MED14: variants seen among roughly 807,000 people sequenced by gnomAD.
The protein encoded by MED14 is mediator of RNA polymerase II transcription subunit 14.
MED14 carries 8 observed loss-of-function variants against 109.0 expected under a neutral mutation model. That is an observed-to-expected ratio of 0.07 (90% CI 0.04 to 0.13). The LOEUF (loss-of-function observed/expected upper bound fraction) is 0.13. Ranked by LOEUF, MED14 falls within the 10% of genes least tolerant of loss-of-function variation. The pLI, the probability that MED14 is intolerant of heterozygous loss-of-function variation, is 1.00. For missense variants in MED14, 711 were observed against 1,142.4 expected (o/e 0.62, Z 5.44); for synonymous variants, 399 against 408.7 (o/e 0.98, Z 0.29).
Position 40,697,007 on chromosome X carries a change from C to A in MED14, c.1650+17G>T. 1 of 1,177,011 alleles carries A rather than the reference C, an allele frequency of 8.5e-7. No individual in the cohort carries two copies. Among genetic ancestry groups the A allele is most frequent in the Non-Finnish European group, 1.2e-6 (1 of 868,445 alleles). ...TACTAAACTTGATCACTCCAAATCACTCCTTTGCATACTTACAATGTAGTA... is the reference window on the plus strand; with the variant it reads ...TACTAAACTTGATCACTCCAAATCAATCCTTTGCATACTTACAATGTAGTA... On this transcript the variant is annotated intron_variant, in intron 13 of 30. Transcript: ENST00000324817.
Position 40,713,910 on chromosome X carries a change from G to A in MED14, c.523-3C>T, listed in dbSNP as rs1415113977. 1 of 1,195,224 alleles carries A rather than the reference G, an allele frequency of 8.4e-7. No individual in the cohort carries two copies. Among genetic ancestry groups the A allele is most frequent in the Non-Finnish European group, 1.1e-6 (1 of 887,951 alleles). ...GGGTCTGGAGGAATAATTTTGTCCT[G>A]CAAAAAAATTTAAGTGATTTTTAAA... On this transcript the variant is annotated splice_polypyrimidine_tract_variant and splice_region_variant and intron_variant, in intron 4 of 30. Coordinates refer to ENST00000324817, the MANE Select transcript of MED14 (RefSeq NM_004229.4).
chrX:40,683,032 CACAG>C, intron 16 of MED14, 36 bp from the exon 17 acceptor site: 2 of 1,118,398 alleles, frequency 1.8e-6, no homozygotes, highest in Non-Finnish European at 2.4e-6. Context: ...GTATACTTTA[CACAG>C]ACAAAGCACA....
intron 22 of MED14, among the ~76,000 whole-genome samples, chrX:40,673,231 T>C (rs192232846): frequency 1.9e-4 from 21 of 112,584 alleles, no homozygotes; most frequent in African/African-American, 5.5e-4. Flanking sequence ...CATTTAACCA[T>C]GGCAGATGAA....
At chrX:40,670,007 A>T (rs1929662176) in intron 23 of MED14, among the ~76,000 whole-genome samples, 1 of 112,251 alleles carries the variant, frequency 8.9e-6, no homozygotes, top group South Asian at 3.7e-4. Flanking sequence ...GAATCTAAGC[A>T]GAGGAAGCAC....
chrX:40,712,310 AAAAG>A lies in MED14; in HGVS notation c.782-21_782-18del. 1.8e-6 allele frequency: 2 copies of A among 1,134,058 alleles called. No homozygotes were observed. The highest frequency in any genetic ancestry group is 4.9e-4 in the Middle Eastern group (2 of 4,121). The allele number at this position is 1,134,058 out of a possible 1,213,427, so 93.5% of individuals were successfully genotyped here. ...CTCGCCCATCTTCCGTTGGCAGAAGAAAAGAAAGCAGTTAATTAAATAGGTGTAC... is the reference window on the plus strand; with the variant it reads ...CTCGCCCATCTTCCGTTGGCAGAAGAAAAGCAGTTAATTAAATAGGTGTAC... On this transcript the variant is annotated intron_variant, in intron 6 of 30. Coordinates refer to ENST00000324817, the MANE Select transcript of MED14 (RefSeq NM_004229.4).
intron 3 of MED14, among the ~76,000 whole-genome samples, chrX:40,720,399 T>A (rs1237824730): frequency 2.7e-5 from 3 of 112,245 alleles, no homozygotes; most frequent in African/African-American, 9.7e-5. Context: ...AACTCAGTAC[T>A]GCCCTGTCAT....
Position 40,651,184 on chromosome X carries a change from A to G in MED14, c.*622T>C, listed in dbSNP as rs1434325292. 4.0e-6 allele frequency: 3 copies of G among 750,366 alleles called. No homozygotes were observed. The highest frequency in any genetic ancestry group is 4.7e-6 in the Non-Finnish European group (3 of 636,573). The allele number at this position is 750,366 out of a possible 1,213,427, so 61.8% of individuals were successfully genotyped here. On this transcript the variant is annotated 3_prime_UTR_variant, in exon 31 of 31. Coordinates refer to ENST00000324817, the MANE Select transcript of MED14 (RefSeq NM_004229.4). ...TTCAGACATGTATTATTATAAATTAATAACTGGCTCCATCCACCAGGTTAA... is the reference window on the plus strand; with the variant it reads ...TTCAGACATGTATTATTATAAATTAGTAACTGGCTCCATCCACCAGGTTAA...
chrX:40,733,072 T>C (rs1932134239), intron 1 of MED14, among the ~76,000 whole-genome samples: 1 of 110,797 alleles, frequency 9.0e-6, no homozygotes, highest in South Asian at 3.9e-4. Flanking sequence ...GTTTGGACTA[T>C]AAATTTTATG....
intron 28 of MED14, 116 bp from the exon 29 acceptor site, chrX:40,655,176 A>G: frequency 1.4e-6 from 1 of 728,710 alleles, no homozygotes; most frequent in Admixed American, 3.3e-5. Context: ...AACAGAACAT[A>G]AAGTTAATAA....
intron 23 of MED14, among the ~76,000 whole-genome samples, chrX:40,667,159 G>GC (rs1382442348): frequency 9.8e-5 from 11 of 111,827 alleles, no homozygotes; most frequent in African/African-American, 3.3e-4. Flanking sequence ...CAGGCATTGG[G>GC]GATGCAGCAG....
Position 40,713,907 on chromosome X carries a change from C to A in MED14, c.523G>T (p.Asp175Tyr). The A allele has an allele frequency of 8.4e-7, 1 of 1,195,786 alleles. No individual in the cohort carries two copies. The highest frequency in any genetic ancestry group is 1.8e-5 in the African/African-American group (1 of 56,461). The change falls in exon 5 of 31, where the codon GAC becomes TAC. Residue 175 changes from aspartate (D) to tyrosine (Y), a missense_variant and splice_region_variant. Asp to Tyr is a radical substitution (Grantham distance 160). This residue lies in a region of MED14 where 388 missense variants were observed against 517.3 expected (regional missense o/e 0.75). Coordinates refer to ENST00000324817, the MANE Select transcript of MED14 (RefSeq NM_004229.4). ...ATTGGGTCTGGAGGAATAATTTTGT[C>A]CTGCAAAAAAATTTAAGTGATTTTT... is the stretch of plus-strand genomic sequence containing the variant. Reference protein sequence around the residue: ...SYPRLPTCIRDKIIPPDPITK... With the variant: ...SYPRLPTCIRYKIIPPDPITK...
At position 40,682,587 on chromosome X, in the gene MED14, T is replaced by C; in HGVS notation, c.2365+16A>G. 1.8e-6 allele frequency: 2 copies of C among 1,108,061 alleles called. No individual in the cohort carries two copies. Among genetic ancestry groups the C allele is most frequent in the Non-Finnish European group, 2.4e-6 (2 of 842,042 alleles). 91.3% of individuals were successfully genotyped at this position (1,108,061 alleles called of 1,213,427 possible). ...TTTTTTAATTTATTTAAAAAGGAGA[T>C]TATCTCCACACGTACCTGGTAGAGA... is the stretch of plus-strand genomic sequence containing the variant. On this transcript the variant is annotated intron_variant, in intron 18 of 30. Transcript: ENST00000324817.
intron 8 of MED14, 100 bp downstream of exon 8, chrX:40,711,069 A>C (rs1400815589): frequency 3.2e-6 from 3 of 952,231 alleles, no homozygotes; most frequent in Non-Finnish European, 4.3e-6. Context: ...GTGTTGTCCA[A>C]GGGTCAACTG....
intron 10 of MED14, among the ~76,000 whole-genome samples, chrX:40,706,686 A>T (rs1931155374): frequency 8.9e-6 from 1 of 112,086 alleles, no homozygotes; most frequent in Non-Finnish European, 1.9e-5. Context: ...TTCAGAACCT[A>T]GGTGAACAGC....
intron 23 of MED14, among the ~76,000 whole-genome samples, chrX:40,667,544 G>A (rs1929544597): frequency 8.9e-6 from 1 of 112,037 alleles, no homozygotes; most frequent in South Asian, 3.7e-4. Flanking sequence ...ACACCAGAGA[G>A]GTTGGAGGAA....
Position 40,720,989 on chromosome X carries a change from C to T in MED14, c.348+5757G>A, listed in dbSNP as rs145224396. On this transcript the variant is annotated intron_variant, in intron 3 of 30. Coordinates refer to ENST00000324817, the MANE Select transcript of MED14 (RefSeq NM_004229.4). ...GAGCCCTTGGGCCCTGAATAACCAGCGGCGATACCCAGGTAGTATGCCGTG... is the reference window on the plus strand; with the variant it reads ...GAGCCCTTGGGCCCTGAATAACCAGTGGCGATACCCAGGTAGTATGCCGTG... Among the ~76,000 whole-genome samples, 1,092 of 110,687 alleles carry T rather than the reference C, an allele frequency of 9.9e-3. 9 individuals are homozygous for T. Among genetic ancestry groups the T allele is most frequent in the African/African-American group, 0.034 (1,049 of 30,431 alleles).
intron 1 of MED14, 149 bp downstream of exon 1, chrX:40,735,049 C>A (rs1932204712): frequency 2.9e-6 from 1 of 350,769 alleles, no homozygotes; most frequent in African/African-American, 2.7e-5. Context: ...TCTTCTCCAC[C>A]TCTGCTGAAC....
chrX:40,722,541 G>A (rs1357382011), intron 3 of MED14, among the ~76,000 whole-genome samples: 1 of 111,388 alleles, frequency 9.0e-6, no homozygotes, highest in Non-Finnish European at 1.9e-5. Flanking sequence ...GAGAGATAAG[G>A]GCAGTAAGTT....
chrX:40,703,348 C>T (rs1931022302), intron 11 of MED14, 96 bp downstream of exon 11: 2 of 776,682 alleles, frequency 2.6e-6, no homozygotes, highest in African/African-American at 2.1e-5. Flanking sequence ...CTGCATATAC[C>T]ATTCTTTCTA....
Sources: gnomAD v4.1 joint callset for allele counts (sites outside exome capture counted in the v4.1 genomes callset) on GRCh38, gnomAD v4.1.1 for gene constraint, gnomAD v4.1.1 regional missense constraint, MANE v1.5 for transcripts, NCBI Gene and HGNC (gene_info 2026-07-23, HGNC 2026-07-21) for gene names.